The following COL4A1 variants were observed in gnomAD, a reference collection of about 807,000 sequenced individuals.
The protein encoded by COL4A1 is collagen alpha-1(IV) chain.
COL4A1 carries 40 observed loss-of-function variants against 216.6 expected under a neutral mutation model. The observed-to-expected ratio is 0.18, with a 90% confidence interval of 0.14 to 0.24. COL4A1 has a LOEUF of 0.24. Ranked by LOEUF, COL4A1 falls within the 10% of genes least tolerant of loss-of-function variation. COL4A1 has a pLI of 1.00. For missense variants in COL4A1, 1,628 were observed against 2,196.8 expected (o/e 0.74, Z 5.18); for synonymous variants, 839 against 810.7 (o/e 1.03, Z -0.59).
rs60924677 is a variant in COL4A1 at position 110,288,100 on chromosome 13, C to CA, written c.84+18843dup. Among the ~76,000 whole-genome samples, 717 of 130,834 alleles carry CA rather than the reference C, an allele frequency of 5.5e-3. 4 individuals are homozygous for CA. Among genetic ancestry groups the CA allele is most frequent in the African/African-American group, 0.015 (535 of 36,386 alleles). 85.8% of individuals were successfully genotyped at this position (130,834 alleles called of 152,430 possible). On this transcript the variant is annotated intron_variant, in intron 1 of 51. Coordinates refer to ENST00000375820, the MANE Select transcript of COL4A1 (RefSeq NM_001845.6). ...TGAAACCCCAACTCTACTAAAAATA[C>CA]AAAAAAAAAAAAAATTACCCAGGAG...
chr13:110,281,542 G>A (rs1883634363), intron 1 of COL4A1, among the ~76,000 whole-genome samples: 1 of 152,126 alleles, frequency 6.6e-6, no homozygotes, highest in African/African-American at 2.4e-5. Flanking sequence ...AAAAAAAACA[G>A]TAGGAAGCTT....
intron 31 of COL4A1, among the ~76,000 whole-genome samples, chr13:110,178,462 G>T (rs1473066182): frequency 6.6e-6 from 1 of 152,140 alleles, no homozygotes; most frequent in East Asian, 1.9e-4. Context: ...AGTCAGCAAG[G>T]CCACCCTAAG....
chr13:110,181,886 G>C (rs1878173677), intron 28 of COL4A1, among the ~76,000 whole-genome samples: 1 of 152,164 alleles, frequency 6.6e-6, no homozygotes, highest in African/African-American at 2.4e-5. Flanking sequence ...AGCTCTGATG[G>C]GCTATGAAGC....
Position 110,211,961 on chromosome 13 carries a change from G to A in COL4A1, c.388-39C>T, listed in dbSNP as rs779404861. ...AGAGCATCATTCATACGCACTGTGT[G>A]TGGCAGACACATCAGCCCTGACATC... On this transcript the variant is annotated intron_variant, in intron 6 of 51. Coordinates refer to ENST00000375820, the MANE Select transcript of COL4A1 (RefSeq NM_001845.6). This position sits in a 1 kb window ranked among gnomAD's most constrained non-coding sequence, Gnocchi z 4.3. 2 of 1,583,388 alleles carry A rather than the reference G, an allele frequency of 1.3e-6. No individual in the cohort carries two copies. The highest frequency in any genetic ancestry group is 1.7e-6 in the Non-Finnish European group (2 of 1,152,010).
rs565517312 is a variant in COL4A1, at chr13:110,186,483, G to A, written c.1799C>T (p.Thr600Ile). Residue 600 changes from threonine (T) to isoleucine (I), a missense_variant, in exon 26 of 52, where the codon ACC (threonine) becomes ATC (isoleucine). Coordinates refer to ENST00000375820, the MANE Select transcript of COL4A1 (RefSeq NM_001845.6). ...GVGFPGSRGD[T>I]GPPGPPGYGP... is the part of the protein sequence containing the mutation. ...ATATCCTGGAGGCCCAGGGGGGCCG[G>A]TGTCACCACGACTGCCTGGGAATCC... 1 of 1,613,772 alleles carries A rather than the reference G, an allele frequency of 6.2e-7. No individual in the cohort carries two copies. Among genetic ancestry groups the A allele is most frequent in the South Asian group, 1.1e-5 (1 of 91,066 alleles).
At chr13:110,203,444 C>T in intron 18 of COL4A1, 122 bp downstream of exon 18, 1 of 1,084,010 alleles carries the variant, frequency 9.2e-7, no homozygotes, top group Non-Finnish European at 1.4e-6. Context: ...TCTCCTTCCT[C>T]TCCCAGCGCT....
At position 110,228,630 on chromosome 13, in the gene COL4A1, G is replaced by A. The variant is rs112639332; in HGVS notation, c.144+14045C>T. On this transcript the variant is annotated intron_variant, in intron 2 of 51. Transcript: ENST00000375820. Reference sequence around the variant, plus strand: ...AATGAGTGAGACAGGAAAGGAAACGGATGCTTATACCAACTCCCATGTTCC... The same window carrying A: ...AATGAGTGAGACAGGAAAGGAAACGAATGCTTATACCAACTCCCATGTTCC... Among the ~76,000 whole-genome samples the A allele has an allele frequency of 8.2e-3, 1,253 of 152,308 alleles. 9 individuals are homozygous for A. The highest frequency in any genetic ancestry group is 0.013 in the Non-Finnish European group (895 of 68,022).
intron 50 of COL4A1, among the ~76,000 whole-genome samples, chr13:110,154,190 G>A (rs1438611699): frequency 6.6e-6 from 1 of 152,210 alleles, no homozygotes; most frequent in Non-Finnish European, 1.5e-5. Context: ...TGTATGTGTA[G>A]GGTCATTTAC....
chr13:110,215,438 G>A (rs1880021854), intron 2 of COL4A1, among the ~76,000 whole-genome samples: 1 of 151,994 alleles, frequency 6.6e-6, no homozygotes, highest in Non-Finnish European at 1.5e-5. Flanking sequence ...GTGCACGCCT[G>A]TAATCTCAGT....
chr13:110,195,910 T>A (rs1267366609), intron 21 of COL4A1, among the ~76,000 whole-genome samples: 5 of 152,056 alleles, frequency 3.3e-5, no homozygotes, highest in African/African-American at 1.2e-4. Flanking sequence ...AATGACAAAG[T>A]CATGGGCAGT....
intron 2 of COL4A1, among the ~76,000 whole-genome samples, chr13:110,215,580 CAA>C (rs1880033301): frequency 2.8e-5 from 4 of 141,188 alleles, no homozygotes; most frequent in African/African-American, 1.1e-4. Flanking sequence ...AAAAAAACAA[CAA>C]CCCATAACCA....
At chr13:110,238,251 C>T (rs536111674) in intron 2 of COL4A1, among the ~76,000 whole-genome samples, 7 of 152,356 alleles carry the variant, frequency 4.6e-5, no homozygotes, top group Admixed American at 3.3e-4. Context: ...TGTCACTACT[C>T]ACTAGAAATG....
At chr13:110,228,323 T>C (rs1226377236) in intron 2 of COL4A1, among the ~76,000 whole-genome samples, 15 of 152,084 alleles carry the variant, frequency 9.9e-5, no homozygotes, top group Non-Finnish European at 1.3e-4. Flanking sequence ...GTGAAGCAGA[T>C]TCCTTTAAAA....
intron 46 of COL4A1, among the ~76,000 whole-genome samples, chr13:110,164,311 T>A (rs1011411787): frequency 1.3e-5 from 2 of 152,190 alleles, no homozygotes; most frequent in African/African-American, 4.8e-5. Context: ...TTCTTAAGTA[T>A]CATTAAATTT....
At chr13:110,180,042 A>T (rs1878073375) in intron 29 of COL4A1, among the ~76,000 whole-genome samples, 1 of 152,158 alleles carries the variant, frequency 6.6e-6, no homozygotes. Flanking sequence ...ACAGGGCTCC[A>T]CCGGTGTCCC....
In COL4A1 at chr13:110,155,298, G is replaced by A. The variant is rs146822264; in HGVS notation, c.4740C>T (p.Gly1580=). The A allele has an allele frequency of 1.5e-5, 24 of 1,613,528 alleles. No individual in the cohort carries two copies. In the African/African-American group the frequency reaches 2.8e-4, roughly 19 times the overall value. Residue 1580 remains glycine, a synonymous_variant, in exon 50 of 52, where the codon GGC becomes GGT. Transcript: ENST00000375820. ...CPSGWSSLWI[G]YSFVMHTSAG... Reference sequence around the variant, plus strand: ...AGACACTTACCATCACAAAAGAGTAGCCGATCCACAGCGAGGACCACCCGC... The same window carrying A: ...AGACACTTACCATCACAAAAGAGTAACCGATCCACAGCGAGGACCACCCGC...
chr13:110,282,966 A>G (rs1177741089), intron 1 of COL4A1, among the ~76,000 whole-genome samples: 1 of 152,270 alleles, frequency 6.6e-6, no homozygotes, highest in Non-Finnish European at 1.5e-5. Context: ...AAAATGAGCC[A>G]GTGATCCCAG....
chr13:110,260,117 A>T (rs1303056148), intron 1 of COL4A1, among the ~76,000 whole-genome samples: 1 of 152,182 alleles, frequency 6.6e-6, no homozygotes, highest in Non-Finnish European at 1.5e-5. Flanking sequence ...GCTAATAAAG[A>T]CATACCCAAG....
intron 1 of COL4A1, among the ~76,000 whole-genome samples, chr13:110,250,789 C>T (rs1429958595): frequency 6.6e-6 from 1 of 152,206 alleles, no homozygotes; most frequent in African/African-American, 2.4e-5. Flanking sequence ...GCCTGACGCA[C>T]TAGCACAGTG....
Sources: gnomAD v4.1 joint callset for allele counts (sites outside exome capture counted in the v4.1 genomes callset) on GRCh38, gnomAD v4.1.1 for gene constraint, Gnocchi (gnomAD v3.1) non-coding constraint, MANE v1.5 for transcripts, NCBI Gene and HGNC (gene_info 2026-07-23, HGNC 2026-07-21) for gene names.